The following CAMSAP2 variants were observed in gnomAD, a reference collection of about 807,000 sequenced individuals.
CAMSAP2 encodes calmodulin-regulated spectrin-associated protein 2.
CAMSAP2 carries 26 observed loss-of-function variants against 146.1 expected under a neutral mutation model. The ratio of observed to expected loss-of-function variants is 0.18; its 90% confidence interval spans 0.13 to 0.25. The LOEUF (loss-of-function observed/expected upper bound fraction) is 0.25, where lower values mean the gene tolerates loss of function less well. Among genes scored for constraint, CAMSAP2 ranks in the 10% least tolerant of loss-of-function variants. CAMSAP2 has a pLI of 1.00. For missense variants in CAMSAP2, 1,381 were observed against 1,759.3 expected (o/e 0.78, Z 3.85); for synonymous variants, 499 against 596.6 (o/e 0.84, Z 2.38).
rs1037867269 is a variant in CAMSAP2, at chr1:200,860,107, T to C, written c.*2048T>C. The C allele has an allele frequency of 6.5e-6, 1 of 152,702 alleles. No homozygotes were observed. The highest frequency in any genetic ancestry group is 2.4e-5 in the African/African-American group (1 of 41,446). 9.5% of individuals were successfully genotyped at this position (152,702 alleles called of 1,614,324 possible). A position where few individuals can be genotyped will look rare whatever the true frequency, so the allele number is the denominator to read the frequency against. On this transcript the variant is annotated 3_prime_UTR_variant, in exon 17 of 17. Transcript: ENST00000358823. The stretch of plus-strand genomic sequence containing the variant: ...ATTGAATGTCTATAAGGTCTAAAGG[T>C]AGAATGTGAATATTGCCACAGAGTT...
At chr1:200,837,637 G>A (rs942566690) in intron 6 of CAMSAP2, among the ~76,000 whole-genome samples, 4 of 152,066 alleles carry the variant, frequency 2.6e-5, no homozygotes, top group East Asian at 1.9e-4. Flanking sequence ...AATAAGAATA[G>A]CATTGAATCT....
chr1:200,836,632 G>A (rs908109108), intron 6 of CAMSAP2, among the ~76,000 whole-genome samples: 3 of 152,172 alleles, frequency 2.0e-5, no homozygotes, highest in African/African-American at 7.2e-5. Flanking sequence ...GGGTTCAGTA[G>A]TATTTCTGTT....
intron 3 of CAMSAP2, among the ~76,000 whole-genome samples, chr1:200,810,182 A>G (rs77616852): frequency 0.012 from 1,847 of 152,306 alleles, 17 homozygotes; most frequent in South Asian, 0.027. Context: ...CTGCATTTCT[A>G]ACAAGCTCCA....
At chr1:200,811,202 T>C (rs996695504) in intron 3 of CAMSAP2, among the ~76,000 whole-genome samples, 2 of 152,164 alleles carry the variant, frequency 1.3e-5, no homozygotes, top group Non-Finnish European at 2.9e-5. Context: ...CTCCTCTACT[T>C]GGTGGGATTT....
In CAMSAP2 at chr1:200,766,197, G is replaced by T. The variant is rs188584123; in HGVS notation, c.399+5099G>T. On this transcript the variant is annotated intron_variant, in intron 2 of 16. Transcript: ENST00000358823. ...CTCACTCTGTTGCCCAGGCTGGAGT[G>T]CAGTGGCGCAATCACAACTCACTGT... Among the ~76,000 whole-genome samples, 16 of 149,612 alleles carry T rather than the reference G, an allele frequency of 1.1e-4. No individual in the cohort carries two copies. In the East Asian group the frequency reaches 2.2e-3, roughly 20 times the overall value.
rs1187799720 is a variant in CAMSAP2 at position 200,853,879 on chromosome 1, A to G, written c.3823+384A>G. Among the ~76,000 whole-genome samples the G allele has an allele frequency of 6.6e-6, 1 of 152,234 alleles. No individual in the cohort carries two copies. The highest frequency in any genetic ancestry group is 1.5e-5 in the Non-Finnish European group (1 of 68,048). On this transcript the variant is annotated intron_variant, in intron 13 of 16. Coordinates refer to ENST00000358823, the MANE Select transcript of CAMSAP2 (RefSeq NM_203459.4). This position sits in a 1 kb window ranked among gnomAD's most constrained non-coding sequence, Gnocchi z 5.1. Reference sequence around the variant, plus strand: ...AAGGAATGCAAGATCAAGAGTTCACAAGTCCCTCCTTCAAGATAGAAATGG... The same window carrying G: ...AAGGAATGCAAGATCAAGAGTTCACGAGTCCCTCCTTCAAGATAGAAATGG...
chr1:200,807,513 C>T lies in CAMSAP2; in HGVS notation c.537C>T (p.Asp179=), dbSNP rs7552353. 185,639 of 1,600,514 alleles carry T rather than the reference C, an allele frequency of 0.12. 16,463 individuals carry two copies. The highest frequency in any genetic ancestry group is 0.34 in the East Asian group (14,854 of 44,300). ...QATDLPYDIE[D]AVMYWINKVN... is the part of the protein sequence containing the mutation. Reference sequence around the variant, plus strand: ...CAGATCTGCCCTATGATATTGAGGACGCTGTCATGTACTGGATAAATAAGG... The same window carrying T: ...CAGATCTGCCCTATGATATTGAGGATGCTGTCATGTACTGGATAAATAAGG... Residue 179 remains aspartate, a synonymous_variant, in exon 3 of 17, where the codon GAC becomes GAT. Coordinates refer to ENST00000358823, the MANE Select transcript of CAMSAP2 (RefSeq NM_203459.4).
chr1:200,822,503 G>A (rs1023569063), intron 4 of CAMSAP2, among the ~76,000 whole-genome samples: 1 of 152,088 alleles, frequency 6.6e-6, no homozygotes, highest in African/African-American at 2.4e-5. Flanking sequence ...TTAGATGAAG[G>A]TTGTGCTTTT....
chr1:200,842,503 T>C (rs1385164112), intron 7 of CAMSAP2, among the ~76,000 whole-genome samples: 3 of 152,216 alleles, frequency 2.0e-5, no homozygotes, highest in African/African-American at 7.2e-5. Flanking sequence ...TAGTGGATTT[T>C]ATGACTATTA....
chr1:200,854,259 G>T (rs1305617400), intron 13 of CAMSAP2, among the ~76,000 whole-genome samples: 1 of 152,176 alleles, frequency 6.6e-6, no homozygotes, highest in Non-Finnish European at 1.5e-5. Context: ...TAGGATTACA[G>T]GTGTGAGTCA....
chr1:200,817,287 C>T (rs1666628294), intron 4 of CAMSAP2, among the ~76,000 whole-genome samples: 1 of 121,652 alleles, frequency 8.2e-6, no homozygotes, highest in South Asian at 2.5e-4. Flanking sequence ...TATATTTTCC[C>T]AGAATTCCAA....
intron 4 of CAMSAP2, among the ~76,000 whole-genome samples, chr1:200,821,406 C>T (rs550040704): frequency 1.3e-5 from 2 of 152,196 alleles, no homozygotes; most frequent in African/African-American, 4.8e-5. Flanking sequence ...TGATCTCAAG[C>T]TCCTGAGCTC....
chr1:200,812,413 T>C (rs1571782785), intron 3 of CAMSAP2, among the ~76,000 whole-genome samples: 1 of 152,228 alleles, frequency 6.6e-6, no homozygotes, highest in South Asian at 2.1e-4. Flanking sequence ...TGCAGTCATA[T>C]CCACCTCATT....
chr1:200,796,867 T>C (rs1034801331), intron 2 of CAMSAP2, among the ~76,000 whole-genome samples: 1 of 150,074 alleles, frequency 6.7e-6, no homozygotes, highest in Non-Finnish European at 1.5e-5. Context: ...TTCCCCTTCC[T>C]GTGTCCATGT....
At chr1:200,853,000 TAC>T (rs67551824) in intron 12 of CAMSAP2, among the ~76,000 whole-genome samples, 1,753 of 147,380 alleles carry the variant, frequency 0.012, 23 homozygotes, top group African/African-American at 0.03. Flanking sequence ...TCCTGGGAGA[TAC>T]ACACACACAC....
At chr1:200,836,523 G>A (rs1667187862) in intron 6 of CAMSAP2, among the ~76,000 whole-genome samples, 5 of 151,872 alleles carry the variant, frequency 3.3e-5, no homozygotes, top group Admixed American at 3.3e-4. Flanking sequence ...TCCATGTCTT[G>A]GCTATTGTTA....
chr1:200,854,473 T>C (rs572577394), intron 13 of CAMSAP2, among the ~76,000 whole-genome samples: 2 of 152,330 alleles, frequency 1.3e-5, no homozygotes, highest in East Asian at 1.9e-4. Flanking sequence ...CTAATTGATA[T>C]AATTTTCTAC....
At position 200,739,925 on chromosome 1, in the gene CAMSAP2, C is replaced by T. The variant is rs755351573; in HGVS notation, c.98C>T (p.Ala33Val). 2 of 1,614,170 alleles carry T rather than the reference C, an allele frequency of 1.2e-6. No homozygotes were observed. Among genetic ancestry groups the T allele is most frequent in the Non-Finnish European group, 1.7e-6 (2 of 1,180,016 alleles). Residue 33 changes from alanine to valine, a missense_variant, in exon 1 of 17, where the codon GCC becomes GTC. Around this residue, in one of 4 missense-constraint regions of CAMSAP2, gnomAD observed 284 missense variants for 406.9 expected, o/e 0.70. Transcript: ENST00000358823. The surrounding 1 kb of genome is among the most constrained non-coding windows in gnomAD (Gnocchi z 4.8). ...DHYDFSRAKI[A>V]CNLAWLVAKA... is the part of the protein sequence containing the mutation. ...TATGATTTCTCCAGGGCCAAAATCG[C>T]CTGCAATCTGGCCTGGCTGGTGGCC... is the stretch of plus-strand genomic sequence containing the variant.
intron 6 of CAMSAP2, among the ~76,000 whole-genome samples, chr1:200,833,422 G>A (rs1048623294): frequency 3.3e-5 from 5 of 152,214 alleles, no homozygotes; most frequent in Admixed American, 6.5e-5. Context: ...TTAGCTGGGA[G>A]TGGTGGCATG....
Sources: allele counts gnomAD v4.1 joint callset (sites outside exome capture counted in the v4.1 genomes callset), GRCh38; gene constraint gnomAD v4.1.1; regional missense constraint gnomAD v4.1.1; non-coding constraint Gnocchi (gnomAD v3.1); transcripts MANE v1.5; gene names NCBI Gene and HGNC (gene_info 2026-07-23, HGNC 2026-07-21).